Variants in PCSK2 observed in about 807,000 individuals in gnomAD.
PCSK2 encodes the protein neuroendocrine convertase 2.
In PCSK2, 14 loss-of-function variants were observed where a neutral mutation model predicts 69.7. The ratio of observed to expected loss-of-function variants is 0.20; its 90% CI spans 0.13 to 0.31. The LOEUF is 0.31. PCSK2 is among the 10% of genes least tolerant of loss of function. PCSK2 has a pLI of 1.00. For missense variants in PCSK2, 544 were observed against 842.5 expected, an observed-to-expected ratio of 0.65 and a Z score of 4.39; for synonymous variants, 307 against 320.7, an observed-to-expected ratio of 0.96 and a Z score of 0.46.
intron 2 of PCSK2, among the ~76,000 whole-genome samples, chr20:17,306,782 C>T (rs1989340755): frequency 6.6e-6 from 1 of 152,196 alleles, no homozygotes; most frequent in African/African-American, 2.4e-5. Context: ...GAACTGCACA[C>T]AAACTCTTTC....
chr20:17,469,331 G>A (rs1240397523), intron 11 of PCSK2, among the ~76,000 whole-genome samples: 1 of 152,206 alleles, frequency 6.6e-6, no homozygotes, highest in African/African-American at 2.4e-5. Context: ...TGTTGAGGGT[G>A]TGCCTTATAC....
At chr20:17,465,817 G>T (rs1488929507) in intron 11 of PCSK2, among the ~76,000 whole-genome samples, 1 of 152,030 alleles carries the variant, frequency 6.6e-6, no homozygotes, top group Non-Finnish European at 1.5e-5. Context: ...ACAGGCATGC[G>T]CCACCACACC....
At chr20:17,247,182 C>A (rs553770676) in intron 1 of PCSK2, among the ~76,000 whole-genome samples, 16 of 152,304 alleles carry the variant, frequency 1.1e-4, no homozygotes, top group African/African-American at 3.4e-4. Flanking sequence ...CAGCCTACCC[C>A]AGACCTAAAT....
chr20:17,278,948 G>A (rs949052935), intron 2 of PCSK2, among the ~76,000 whole-genome samples: 3 of 151,622 alleles, frequency 2.0e-5, no homozygotes, highest in African/African-American at 4.9e-5. Flanking sequence ...ATGGTCAAAC[G>A]CATCCCCTAA....
chr20:17,240,720 C>A (rs1986538346), intron 1 of PCSK2, among the ~76,000 whole-genome samples: 3 of 152,210 alleles, frequency 2.0e-5, no homozygotes, highest in Admixed American at 6.5e-5. Flanking sequence ...TCACTCTAGA[C>A]TTGATATAAA....
intron 2 of PCSK2, among the ~76,000 whole-genome samples, chr20:17,291,258 A>G (rs1361241152): frequency 6.6e-6 from 1 of 152,166 alleles, no homozygotes; most frequent in Non-Finnish European, 1.5e-5. Context: ...TATACAAAAT[A>G]TGCATATATA....
chr20:17,394,324 A>T (rs1293392809), intron 5 of PCSK2, among the ~76,000 whole-genome samples: 2 of 152,214 alleles, frequency 1.3e-5, no homozygotes, highest in African/African-American at 4.8e-5. Flanking sequence ...TATTATGTGC[A>T]AGTGGTATCA....
intron 2 of PCSK2, among the ~76,000 whole-genome samples, chr20:17,318,699 C>G (rs1451952724): frequency 6.6e-6 from 1 of 152,202 alleles, no homozygotes; most frequent in African/African-American, 2.4e-5. Context: ...CACCATCTGC[C>G]AGGGACGCCT....
chr20:17,370,804 A>G (rs1486240821), intron 5 of PCSK2, among the ~76,000 whole-genome samples: 1 of 152,166 alleles, frequency 6.6e-6, no homozygotes, highest in Non-Finnish European at 1.5e-5. Context: ...TGCCTCCTCC[A>G]TAACTGCAGG....
Position 17,453,957 on chromosome 20 carries a change from G to A in PCSK2, c.1101G>A (p.Val367=). 6.2e-7 allele frequency: 1 copy of A among 1,614,130 alleles called. No homozygotes were observed. The highest frequency in any genetic ancestry group is 8.5e-7 in the Non-Finnish European group (1 of 1,180,022). ...GGAAAAGGAACCCCGAGGCCGGTGT[G>A]GTGAGCACGTCCCCTTCTGTCCTTG... The part of the protein sequence containing the change: ...NGRKRNPEAG[V]ATTDLYGNCT... The change falls in exon 9 of 12, where the codon GTG becomes GTA. Residue 367 remains valine, a splice_region_variant and synonymous_variant. Coordinates refer to ENST00000262545, the MANE Select transcript of PCSK2 (RefSeq NM_002594.5). The surrounding 1 kb of genome is among the most constrained non-coding windows in gnomAD (Gnocchi z 4.0).
intron 5 of PCSK2, among the ~76,000 whole-genome samples, chr20:17,400,762 C>T (rs937691777): frequency 6.6e-6 from 1 of 152,156 alleles, no homozygotes; most frequent in African/African-American, 2.4e-5. Context: ...AATGGGAGCC[C>T]ACTATCCACT....
intron 9 of PCSK2, among the ~76,000 whole-genome samples, chr20:17,455,972 G>A (rs2032911865): frequency 6.6e-6 from 1 of 152,188 alleles, no homozygotes; most frequent in Non-Finnish European, 1.5e-5. Context: ...TAGGCTGGGG[G>A]CAGTGACTCA....
chr20:17,458,095 G>A (rs1269450829), intron 10 of PCSK2, among the ~76,000 whole-genome samples: 1 of 152,186 alleles, frequency 6.6e-6, no homozygotes, highest in Non-Finnish European at 1.5e-5. Flanking sequence ...CAATGATCAT[G>A]AACTTAATAT....
chr20:17,359,294 C>T (rs753458039), intron 3 of PCSK2, among the ~76,000 whole-genome samples: 3 of 152,026 alleles, frequency 2.0e-5, no homozygotes, highest in Non-Finnish European at 2.9e-5. Context: ...CATGGAAGTC[C>T]GAAAATCCAA....
At chr20:17,285,859 G>A (rs1482739818) in intron 2 of PCSK2, among the ~76,000 whole-genome samples, 2 of 152,182 alleles carry the variant, frequency 1.3e-5, no homozygotes, top group Non-Finnish European at 1.5e-5. Context: ...CTATGAGTCA[G>A]TACTAATGGC....
At position 17,358,397 on chromosome 20, in the gene PCSK2, A is replaced by G; in HGVS notation, c.353A>G (p.Asp118Gly). Residue 118 changes from aspartate to glycine, a missense_variant, in exon 3 of 12, where the codon GAC (aspartate) becomes GGC (glycine). Physicochemically the swap from Asp to Gly is moderately conservative, Grantham distance 94. Around this residue, in one of 3 missense-constraint regions of PCSK2, gnomAD observed 157 missense variants for 155.0 expected, o/e 1.01. Coordinates refer to ENST00000262545, the MANE Select transcript of PCSK2 (RefSeq NM_002594.5). ...KRGYRDINEIDINMNDPLFTK... is the reference protein window; with the variant it reads ...KRGYRDINEIGINMNDPLFTK... ...GGTTACAGAGACATCAATGAGATCG[A>G]CATCAACATGAACGATCCTCTTTTT... 1 of 1,611,468 alleles carries G rather than the reference A, an allele frequency of 6.2e-7. No homozygotes were observed. Among genetic ancestry groups the G allele is most frequent in the Non-Finnish European group, 8.5e-7 (1 of 1,177,594 alleles).
rs1267431994 is a variant in PCSK2 at position 17,357,715 on chromosome 20, AGAAGC to A, written c.283-611_283-607del. ...TTCAAGACCAGACTGACCAACATGG[AGAAGC>A]CCTGTCTCTACTAAAAATACAAAAT... On this transcript the variant is annotated intron_variant, in intron 2 of 11. Transcript: ENST00000262545. Among the ~76,000 whole-genome samples the A allele has an allele frequency of 2.0e-5, 3 of 151,982 alleles. No homozygotes were observed. In the East Asian group the frequency reaches 5.8e-4, roughly 29 times the overall value.
At chr20:17,412,319 T>C (rs762164321) in intron 6 of PCSK2, among the ~76,000 whole-genome samples, 98 of 152,082 alleles carry the variant, frequency 6.4e-4, no homozygotes, top group Non-Finnish European at 1.5e-4. Context: ...GAATAAACAG[T>C]GTAGAGAAGA....
chr20:17,404,513 C>T (rs183369116), intron 5 of PCSK2, among the ~76,000 whole-genome samples: 3 of 152,176 alleles, frequency 2.0e-5, no homozygotes, highest in Non-Finnish European at 4.4e-5. Flanking sequence ...TAATGCTCTC[C>T]TCAGCCTCCA....
Sources: gnomAD v4.1 joint callset for allele counts (sites outside exome capture counted in the v4.1 genomes callset) on GRCh38, gnomAD v4.1.1 for gene constraint, gnomAD v4.1.1 regional missense constraint, Gnocchi (gnomAD v3.1) non-coding constraint, MANE v1.5 for transcripts, NCBI Gene and HGNC (gene_info 2026-07-23, HGNC 2026-07-21) for gene names.